PCDHGA6: variants seen among roughly 807,000 people sequenced by gnomAD.
PCDHGA6 encodes protocadherin gamma-A6.
In PCDHGA6, 41 loss-of-function variants were observed where a neutral mutation model predicts 60.6. That is an observed-to-expected ratio of 0.68 (90% CI 0.53 to 0.88). PCDHGA6 has a LOEUF of 0.88. PCDHGA6 is among the 40% of genes least tolerant of loss of function. PCDHGA6 has a pLI of 0.00. For synonymous variants in PCDHGA6, 594 were observed against 524.4 expected, an observed-to-expected ratio of 1.13 and a Z score of -1.81; for missense variants, 1,312 against 1,203.0, an observed-to-expected ratio of 1.09 and a Z score of -1.34.
Position 141,490,310 on chromosome 5 carries a change from A to G in PCDHGA6, c.2425-4497A>G. 2 of 1,614,082 alleles carry G rather than the reference A, an allele frequency of 1.2e-6. No homozygotes were observed. Among genetic ancestry groups the G allele is most frequent in the South Asian group, 2.2e-5 (2 of 91,078 alleles). ...GAGGTGCTATTGGCCTCTTTGGCCA[A>G]CCCTGTCCTAGAGAGCACACCAGTG... On this transcript the variant is annotated intron_variant, in intron 1 of 3. Transcript: ENST00000517434. The surrounding 1 kb of genome is among the most constrained non-coding windows in gnomAD (Gnocchi z 5.4).
intron 1 of PCDHGA6, chr5:141,385,756 T>A: frequency 5.6e-6 from 1 of 179,052 alleles, no homozygotes; most frequent in Non-Finnish European, 1.1e-5. Flanking sequence ...GATTTTTTTC[T>A]GTGGCTGATT....
intron 1 of PCDHGA6, among the ~76,000 whole-genome samples, chr5:141,425,555 A>T (rs1282440598): frequency 6.6e-6 from 1 of 152,270 alleles, no homozygotes; most frequent in African/African-American, 2.4e-5. Flanking sequence ...AACCTCTTTT[A>T]TAAGTGATAA....
At chr5:141,383,567 C>T in intron 1 of PCDHGA6, 1 of 1,613,214 alleles carries the variant, frequency 6.2e-7, no homozygotes, top group Non-Finnish European at 8.5e-7. Context: ...CCGCCCCGAT[C>T]CAGCACCGCC....
chr5:141,398,360 G>A, intron 1 of PCDHGA6: 1 of 1,413,656 alleles, frequency 7.1e-7, no homozygotes, highest in Non-Finnish European at 9.8e-7. Flanking sequence ...TTCACCGTGA[G>A]CGCAGAGAGC....
rs780007896 is a variant in PCDHGA6 at position 141,399,692 on chromosome 5, G to T, written c.2424+23185G>T. 1.2e-5 allele frequency: 19 copies of T among 1,613,318 alleles called. No individual in the cohort carries two copies. The South Asian group carries it at 2.1e-4, about 18-fold the overall frequency. ...CGCGCCTTTGACTACGAGCAGCTGC[G>T]CACCTTCGAACTCACACTACAGGCC... On this transcript the variant is annotated intron_variant, in intron 1 of 3. Coordinates refer to ENST00000517434, the MANE Select transcript of PCDHGA6 (RefSeq NM_018919.3).
chr5:141,400,371 C>A, intron 1 of PCDHGA6: 1 of 1,614,056 alleles, frequency 6.2e-7, no homozygotes, highest in South Asian at 1.1e-5. Flanking sequence ...CTTATTCCTA[C>A]AACCTATGTG....
In PCDHGA6 at chr5:141,432,751, G is replaced by A; in HGVS notation, c.2424+56244G>A. The A allele has an allele frequency of 6.2e-7, 1 of 1,614,130 alleles. No homozygotes were observed. Among genetic ancestry groups the A allele is most frequent in the Non-Finnish European group, 8.5e-7 (1 of 1,179,982 alleles). Reference sequence around the variant, plus strand: ...CCACTGTCACGCTCACCGTGGCCGTGGCCGACAGCATCCCCCAAGTCCTGG... The same window carrying A: ...CCACTGTCACGCTCACCGTGGCCGTAGCCGACAGCATCCCCCAAGTCCTGG... On this transcript the variant is annotated intron_variant, in intron 1 of 3. Transcript: ENST00000517434. This position sits in a 1 kb window ranked among gnomAD's most constrained non-coding sequence, Gnocchi z 6.0.
chr5:141,375,643 C>T lies in PCDHGA6; in HGVS notation c.1560C>T (p.Phe520=), dbSNP rs1443985601. The change falls in exon 1 of 4, where the codon TTC becomes TTT. Residue 520 remains phenylalanine, a synonymous_variant. Transcript: ENST00000517434. ...GGATTCTGTACGCCCTGCGCTCCTT[C>T]GACTATGAGCAGTTGAGAGACCTAC... ...DTGILYALRS[F]DYEQLRDLQL... 3 of 1,614,092 alleles carry T rather than the reference C, an allele frequency of 1.9e-6. No individual in the cohort carries two copies. Among genetic ancestry groups the T allele is most frequent in the Admixed American group, 3.3e-5 (2 of 60,016 alleles).
intron 1 of PCDHGA6, chr5:141,397,859 C>T: frequency 1.8e-6 from 1 of 559,674 alleles, no homozygotes. Context: ...CTGTAGTTTC[C>T]TAGTGCTGAC....
chr5:141,483,573 G>A (rs2099583012), intron 1 of PCDHGA6, among the ~76,000 whole-genome samples: 1 of 152,072 alleles, frequency 6.6e-6, no homozygotes, highest in Non-Finnish European at 1.5e-5. Context: ...GTGAATTCTG[G>A]CATAAACACC....
Position 141,490,778 on chromosome 5 carries a change from A to T in PCDHGA6, c.2425-4029A>T, listed in dbSNP as rs964301520. The T allele has an allele frequency of 5.6e-6, 9 of 1,614,098 alleles. No individual in the cohort carries two copies. The highest frequency in any genetic ancestry group is 7.6e-6 in the Non-Finnish European group (9 of 1,179,962). On this transcript the variant is annotated intron_variant, in intron 1 of 3. Transcript: ENST00000517434. This position sits in a 1 kb window ranked among gnomAD's most constrained non-coding sequence, Gnocchi z 5.4. ...TCCTTTGTGTATGTCAACCCAGAGG[A>T]TGGACGGATCTTTGCCCAGCGTACC... is the stretch of plus-strand genomic sequence containing the variant.
chr5:141,377,398 G>A (rs1274775607), intron 1 of PCDHGA6: 1 of 152,106 alleles, frequency 6.6e-6, no homozygotes. Context: ...TTGAGACCAG[G>A]AGTTTGAGAC....
chr5:141,482,661 T>A (rs1215403061), intron 1 of PCDHGA6, among the ~76,000 whole-genome samples: 2 of 151,742 alleles, frequency 1.3e-5, no homozygotes, highest in African/African-American at 4.9e-5. Flanking sequence ...TGAGCTATGA[T>A]CTAAAGGTTG....
intron 1 of PCDHGA6, chr5:141,403,947 A>C (rs1451597441): frequency 6.2e-7 from 1 of 1,613,886 alleles, no homozygotes; most frequent in Admixed American, 1.7e-5. Flanking sequence ...GGGTGGACAA[A>C]AGTGCTCATT....
At chr5:141,482,936 G>T (rs2099574800) in intron 1 of PCDHGA6, among the ~76,000 whole-genome samples, 1 of 152,050 alleles carries the variant, frequency 6.6e-6, no homozygotes, top group Admixed American at 6.5e-5. Context: ...AGCCAGGTGT[G>T]GTTGTGGGTG....
intron 1 of PCDHGA6, chr5:141,398,612 T>C (rs756084003): frequency 2.5e-6 from 4 of 1,614,024 alleles, no homozygotes; most frequent in East Asian, 2.2e-5. Flanking sequence ...GATGCAGATA[T>C]TGGCTTAAAC....
At chr5:141,450,445 T>C (rs1490338949) in intron 1 of PCDHGA6, among the ~76,000 whole-genome samples, 1 of 152,168 alleles carries the variant, frequency 6.6e-6, no homozygotes, top group East Asian at 1.9e-4. Context: ...ATTTGTTTTA[T>C]GTTTCCTCGT....
intron 1 of PCDHGA6, chr5:141,383,092 C>G (rs200016406): frequency 6.2e-7 from 1 of 1,613,932 alleles, no homozygotes; most frequent in South Asian, 1.1e-5. Context: ...GCGCGGAGTC[C>G]GCATCATCTC....
In PCDHGA6 at chr5:141,490,729, C is replaced by G. The variant is rs1365931429; in HGVS notation, c.2425-4078C>G. ...CCTCACCTACTCCATTGTAGGAAAT[C>G]AGGTTCAGGGAGCCCCAGCCTCCTC... On this transcript the variant is annotated intron_variant, in intron 1 of 3. Coordinates refer to ENST00000517434, the MANE Select transcript of PCDHGA6 (RefSeq NM_018919.3). The surrounding 1 kb of genome is among the most constrained non-coding windows in gnomAD (Gnocchi z 5.4). 1 of 1,614,184 alleles carries G rather than the reference C, an allele frequency of 6.2e-7. No homozygotes were observed.
Sources: allele counts gnomAD v4.1 joint callset (sites outside exome capture counted in the v4.1 genomes callset), GRCh38; gene constraint gnomAD v4.1.1; non-coding constraint Gnocchi (gnomAD v3.1); transcripts MANE v1.5; gene names NCBI Gene and HGNC (gene_info 2026-07-23, HGNC 2026-07-21).